Variants in NUBPL observed in about 807,000 individuals in gnomAD.
The protein encoded by NUBPL is NUBP iron-sulfur cluster assembly factor, mitochondrial.
Under a neutral mutation model 45.7 loss-of-function variants are expected in NUBPL, and 31 were observed. The observed-to-expected ratio is 0.68, with a 90% CI of 0.51 to 0.92. The LOEUF is 0.92. Among genes scored for constraint, NUBPL ranks in the 40% least tolerant of loss-of-function variants. The pLI is 0.00. For missense variants in NUBPL, 401 were observed against 398.7 expected (o/e 1.01, Z -0.05); for synonymous variants, 144 against 140.9 (o/e 1.02, Z -0.15).
intron 4 of NUBPL, among the ~76,000 whole-genome samples, chr14:31,668,515 C>G (rs754718468): frequency 2.6e-5 from 4 of 152,160 alleles, no homozygotes; most frequent in Non-Finnish European, 5.9e-5. Flanking sequence ...GTGGGACTCA[C>G]TAAGACCACT....
chr14:31,699,594 G>T (rs1448250741), intron 6 of NUBPL, among the ~76,000 whole-genome samples: 1 of 151,650 alleles, frequency 6.6e-6, no homozygotes, highest in African/African-American at 2.4e-5. Context: ...TTAAATTTTT[G>T]CTTGAAAGAT....
At position 31,566,989 on chromosome 14, in the gene NUBPL, A is replaced by T. The variant is rs140405278; in HGVS notation, c.291+1941A>T. 2.1e-3 allele frequency among the ~76,000 whole-genome samples: 316 copies of T among 152,286 alleles called. 1 individual carries two copies. The highest frequency in any genetic ancestry group is 7.3e-3 in the African/African-American group (302 of 41,560). On this transcript the variant is annotated intron_variant, in intron 3 of 10. Coordinates refer to ENST00000281081, the MANE Select transcript of NUBPL (RefSeq NM_025152.3). ...GAGATCTCTTTGGACTTCTGTGATA[A>T]TATTTTATAGAAGTAGGAAACTAAT...
At chr14:31,643,163 T>C (rs976477086) in intron 4 of NUBPL, among the ~76,000 whole-genome samples, 7 of 152,162 alleles carry the variant, frequency 4.6e-5, no homozygotes, top group African/African-American at 1.7e-4. Context: ...TCTTGCCTCA[T>C]TGCTCTGGCC....
chr14:31,803,661 G>A (rs1018581083), intron 7 of NUBPL, among the ~76,000 whole-genome samples: 1 of 152,138 alleles, frequency 6.6e-6, no homozygotes, highest in African/African-American at 2.4e-5. Flanking sequence ...GTAATTAATA[G>A]ATACTTGGCA....
At chr14:31,605,881 TCC>T (rs1258979695) in intron 4 of NUBPL, among the ~76,000 whole-genome samples, 19 of 146,014 alleles carry the variant, frequency 1.3e-4, no homozygotes, top group African/African-American at 4.6e-4. Flanking sequence ...CCCTTCTTCC[TCC>T]TCCTTGTCTC....
chr14:31,613,482 C>A (rs139987334), intron 4 of NUBPL, among the ~76,000 whole-genome samples: 52 of 150,880 alleles, frequency 3.4e-4, no homozygotes, highest in African/African-American at 1.2e-3. Context: ...GGTGGAGTCT[C>A]GCTCCTTAGC....
intron 3 of NUBPL, among the ~76,000 whole-genome samples, chr14:31,569,614 G>T (rs183229448): frequency 9.7e-4 from 148 of 152,222 alleles, no homozygotes; most frequent in Non-Finnish European, 1.4e-3. Context: ...CAAAATTTGG[G>T]GATCATGTGT....
At chr14:31,693,820 A>C (rs1212669129) in intron 6 of NUBPL, among the ~76,000 whole-genome samples, 2 of 140,294 alleles carry the variant, frequency 1.4e-5, no homozygotes, top group African/African-American at 5.2e-5. Context: ...AAAAAAAAAA[A>C]AAACCTTTAA....
In NUBPL at chr14:31,761,717, G is replaced by C. The variant is rs541014482; in HGVS notation, c.514-26063G>C. Among the ~76,000 whole-genome samples, 8 of 152,208 alleles carry C rather than the reference G, an allele frequency of 5.3e-5. 1 individual carries two copies. The highest frequency in any genetic ancestry group is 2.1e-4 in the South Asian group (1 of 4,812). ...TTTATTGGCTTACTAGTATTTCGTA[G>C]TATTGAGTGACAGTAATTTACTTAA... On this transcript the variant is annotated intron_variant, in intron 6 of 10. Transcript: ENST00000281081.
chr14:31,581,603 T>C (rs2033866383), intron 3 of NUBPL, among the ~76,000 whole-genome samples: 1 of 152,242 alleles, frequency 6.6e-6, no homozygotes, highest in Non-Finnish European at 1.5e-5. Context: ...TTAGCAACTA[T>C]GTGAATAGTA....
chr14:31,743,398 G>C (rs989536104), intron 6 of NUBPL, among the ~76,000 whole-genome samples: 1 of 151,858 alleles, frequency 6.6e-6, no homozygotes, highest in African/African-American at 2.4e-5. Flanking sequence ...GTTTTAAATT[G>C]AGACAGAGTC....
chr14:31,778,324 A>G (rs574293777), intron 6 of NUBPL, among the ~76,000 whole-genome samples: 307 of 152,274 alleles, frequency 2.0e-3, no homozygotes, highest in Non-Finnish European at 3.9e-3. Context: ...ACAAACAAAC[A>G]AACAAGCCAA....
chr14:31,824,000 T>C (rs2040059253), intron 7 of NUBPL, among the ~76,000 whole-genome samples: 1 of 151,986 alleles, frequency 6.6e-6, no homozygotes, highest in African/African-American at 2.4e-5. Context: ...ATGGAACAAT[T>C]TGAAAAGTAG....
intron 6 of NUBPL, among the ~76,000 whole-genome samples, chr14:31,722,298 C>T (rs1313498181): frequency 6.6e-6 from 1 of 152,208 alleles, no homozygotes; most frequent in East Asian, 1.9e-4. Flanking sequence ...GCATAAGCCA[C>T]CACGCCCGGC....
intron 7 of NUBPL, among the ~76,000 whole-genome samples, chr14:31,789,202 T>C (rs545470892): frequency 6.6e-6 from 1 of 152,178 alleles, no homozygotes; most frequent in African/African-American, 2.4e-5. Flanking sequence ...GGCGGGCACC[T>C]GTAGTCCCAG....
intron 6 of NUBPL, among the ~76,000 whole-genome samples, chr14:31,713,025 TTGTC>T (rs1463602731): frequency 6.6e-6 from 1 of 152,176 alleles, no homozygotes; most frequent in Non-Finnish European, 1.5e-5. Context: ...TGCCATCTCA[TTGTC>T]TGGATGTGGT....
Position 31,764,807 on chromosome 14 carries a change from G to A in NUBPL, c.514-22973G>A, listed in dbSNP as rs115652094. On this transcript the variant is annotated intron_variant, in intron 6 of 10. Coordinates refer to ENST00000281081, the MANE Select transcript of NUBPL (RefSeq NM_025152.3). ...TCTTAGATGTCCTTTAGGTATTTCC[G>A]AAGTAATTTTGTAGCTTAGCAAGTT... Among the ~76,000 whole-genome samples the A allele has an allele frequency of 6.6e-3, 1,003 of 152,218 alleles. 12 individuals carry two copies. Among genetic ancestry groups the A allele is most frequent in the African/African-American group, 0.022 (934 of 41,528 alleles).
At position 31,825,803 on chromosome 14, in the gene NUBPL, T is replaced by C. The variant is rs927867969; in HGVS notation, c.608-826T>C. ...TTTTTCTTCTTTCTTCATTTCTTCT[T>C]CTCCTCCTCCTCCTCCTTCTTCTTC... On this transcript the variant is annotated intron_variant, in intron 7 of 10. Transcript: ENST00000281081. 1.2e-3 allele frequency among the ~76,000 whole-genome samples: 176 copies of C among 148,394 alleles called. 1 individual carries two copies. The highest frequency in any genetic ancestry group is 3.6e-3 in the East Asian group (18 of 5,064).
At chr14:31,666,661 T>G (rs992355311) in intron 4 of NUBPL, among the ~76,000 whole-genome samples, 10 of 152,150 alleles carry the variant, frequency 6.6e-5, no homozygotes, top group African/African-American at 2.4e-4. Context: ...GGTCTTTATA[T>G]TTTGGTATGT....
Sources: gnomAD v4.1 joint callset for allele counts (sites outside exome capture counted in the v4.1 genomes callset) on GRCh38, gnomAD v4.1.1 for gene constraint, MANE v1.5 for transcripts, NCBI Gene and HGNC (gene_info 2026-07-23, HGNC 2026-07-21) for gene names.